Variants in ACSM3 observed in about 807,000 individuals in gnomAD.
The protein encoded by ACSM3 is acyl-CoA synthetase medium chain family member 3, also known as acyl-coenzyme A synthetase ACSM3, mitochondrial.
Under a neutral mutation model 74.1 loss-of-function variants are expected in ACSM3, and 61 were observed. That is an observed-to-expected ratio of 0.82 (90% CI 0.67 to 1.02). ACSM3 has a LOEUF of 1.02. Ranked by LOEUF, ACSM3 falls within the 50% of genes least tolerant of loss-of-function variation. ACSM3 has a pLI of 0.00. For synonymous variants in ACSM3, 213 were observed against 241.5 expected (o/e 0.88, Z 1.09); for missense variants, 660 against 697.0 (o/e 0.95, Z 0.60).
Position 20,775,900 on chromosome 16 carries a change from G to A in ACSM3, c.281G>A (p.Arg94Gln), listed in dbSNP as rs769922075. ...ATCAACAGAAATGGAGAAGAGATGC[G>A]ATGGAGTTTTGAGGAACTGGGATCT... Reference protein sequence around the residue: ...WWINRNGEEMRWSFEELGSLS... With the variant: ...WWINRNGEEMQWSFEELGSLS... Residue 94 changes from arginine (R) to glutamine (Q), a missense_variant, in exon 3 of 14, where the codon CGA becomes CAA. Arg to Gln is a conservative substitution (Grantham distance 43, BLOSUM62 1). Coordinates refer to ENST00000289416, the MANE Select transcript of ACSM3 (RefSeq NM_005622.4). 14 of 1,614,158 alleles carry A rather than the reference G, an allele frequency of 8.7e-6. No individual in the cohort carries two copies. Among genetic ancestry groups the A allele is most frequent in the East Asian group, 4.5e-5 (2 of 44,880 alleles).
chr16:20,759,235 A>G (rs1417520351), upstream of ACSM3, among the ~76,000 whole-genome samples: 1 of 152,182 alleles, frequency 6.6e-6, no homozygotes, highest in African/African-American at 2.4e-5. Flanking sequence ...TGATTTAATC[A>G]GTCAGGCCTG....
intron 1 of ACSM3, chr16:20,731,813 G>T: frequency 3.8e-6 from 1 of 262,442 alleles, no homozygotes. Context: ...GATTTTACTG[G>T]ATTTTGACTT....
intron 9 of ACSM3, among the ~76,000 whole-genome samples, chr16:20,789,076 A>G (rs1567361245): frequency 6.6e-6 from 1 of 152,226 alleles, no homozygotes; most frequent in South Asian, 2.1e-4. Context: ...GAAACAGCTA[A>G]AAGTCATTTA....
chr16:20,784,278 G>A (rs1291785554), intron 7 of ACSM3, among the ~76,000 whole-genome samples: 3 of 152,100 alleles, frequency 2.0e-5, no homozygotes, highest in Non-Finnish European at 4.4e-5. Context: ...CAATTCCTCA[G>A]TTATACTAGT....
At chr16:20,716,332 T>C (rs867501038) in intron 1 of ACSM3, among the ~76,000 whole-genome samples, 1 of 152,144 alleles carries the variant, frequency 6.6e-6, no homozygotes, top group Non-Finnish European at 1.5e-5. Context: ...TCTTGGAAGA[T>C]GTCTGGGGTC....
chr16:20,705,497 T>C (rs1006420285), intron 1 of ACSM3, among the ~76,000 whole-genome samples: 4 of 151,482 alleles, frequency 2.6e-5, no homozygotes, highest in African/African-American at 9.7e-5. Context: ...TATGGAAAAA[T>C]TTCAAGAGAG....
chr16:20,700,592 A>T (rs936909565), intron 1 of ACSM3, among the ~76,000 whole-genome samples: 2 of 149,672 alleles, frequency 1.3e-5, no homozygotes, highest in African/African-American at 4.9e-5. Flanking sequence ...CTGAGTGAGA[A>T]GTATGATAAA....
chr16:20,727,236 C>T (rs2079809687), intron 1 of ACSM3: 2 of 414,430 alleles, frequency 4.8e-6, no homozygotes, highest in Admixed American at 3.2e-5. Context: ...TTTCCTAAGA[C>T]TTGCCTCTCC....
chr16:20,733,154 A>T lies in ACSM3; in HGVS notation c.-189-16756A>T, dbSNP rs1400011122. Among the ~76,000 whole-genome samples the T allele has an allele frequency of 2.6e-5, 4 of 152,192 alleles. No individual in the cohort carries two copies. In the South Asian group the frequency reaches 8.3e-4, roughly 31 times the overall value. ...AAAAAGTAAATAAAAGTCTAAAAAT[A>T]TATGGATGAAAATTGTTTCAATAAC... On this transcript the variant is annotated intron_variant, in intron 1 of 3. Coordinates refer to the ACSM3 transcript ENST00000561584.
intron 1 of ACSM3, among the ~76,000 whole-genome samples, chr16:20,742,813 A>ATATTTTT (rs61582869): frequency 7.9e-4 from 53 of 66,820 alleles, no homozygotes; most frequent in South Asian, 2.7e-3. Flanking sequence ...ATATATATAT[A>ATATTTTT]TTTTTTTTTT....
chr16:20,686,810 GAA>G (rs57762001), intron 1 of ACSM3, among the ~76,000 whole-genome samples: 1,602 of 146,790 alleles, frequency 0.011, 24 homozygotes, highest in African/African-American at 0.04. Flanking sequence ...TCTCAAAAAA[GAA>G]AAAAAAAAAG....
chr16:20,753,929 A>G (rs2080008318), intron 2 of ACSM3, among the ~76,000 whole-genome samples: 1 of 152,166 alleles, frequency 6.6e-6, no homozygotes. Context: ...AAAAAGACAG[A>G]GAAAGAAAGA....
rs542494516 is a variant in ACSM3, at chr16:20,764,040, G to C, written c.-137G>C. On this transcript the variant is annotated 5_prime_UTR_variant, in exon 1 of 14. Coordinates refer to ENST00000289416, the MANE Select transcript of ACSM3 (RefSeq NM_005622.4). ...TTCTTTAGACTGCCACGAGGAAAAA[G>C]CAGATGTGAGAACTCAAGGTTCAGG... 2 of 152,206 alleles carry C rather than the reference G, an allele frequency of 1.3e-5. No individual in the cohort carries two copies. Among genetic ancestry groups the C allele is most frequent in the Non-Finnish European group, 2.9e-5 (2 of 68,048 alleles). The allele number at this position is 152,206 out of a possible 1,614,324, so 9.4% of individuals were successfully genotyped here.
At chr16:20,737,617 T>C (rs2079881664) in intron 1 of ACSM3, 1 of 1,317,698 alleles carries the variant, frequency 7.6e-7, no homozygotes, top group East Asian at 2.4e-5. Flanking sequence ...CACTCAAAAA[T>C]GTAAGCCTTA....
rs1246288553 is a variant in ACSM3, at chr16:20,767,846, T to C, written c.-51-2138T>C. Reference sequence around the variant, plus strand: ...GTATAGCCTTTGAACCAAGAATGGTTTTTAAATTTTTTAATGGTTGAAAAA... The same window carrying C: ...GTATAGCCTTTGAACCAAGAATGGTCTTTAAATTTTTTAATGGTTGAAAAA... On this transcript the variant is annotated intron_variant, in intron 1 of 13. Transcript: ENST00000289416. Among the ~76,000 whole-genome samples the C allele has an allele frequency of 2.0e-5, 3 of 152,212 alleles. No homozygotes were observed. In the East Asian group the frequency reaches 5.8e-4, roughly 29 times the overall value.
chr16:20,728,251 A>G (rs1190060046), intron 1 of ACSM3: 2 of 425,186 alleles, frequency 4.7e-6, no homozygotes, highest in Non-Finnish European at 8.8e-6. Context: ...AGGTAGGTTG[A>G]GAAAATATCT....
chr16:20,793,590 C>A (rs1200411866), intron 12 of ACSM3, among the ~76,000 whole-genome samples: 6 of 152,228 alleles, frequency 3.9e-5, no homozygotes, highest in African/African-American at 1.4e-4. Flanking sequence ...CCAGAAGATA[C>A]CCTGTTAAGT....
chr16:20,693,153 G>A (rs886444531), intron 1 of ACSM3, among the ~76,000 whole-genome samples: 2 of 147,994 alleles, frequency 1.4e-5, no homozygotes, highest in African/African-American at 5.0e-5. Flanking sequence ...CTGGGCAACA[G>A]AGCAAAATTC....
chr16:20,738,954 ATCT>A lies in ACSM3; in HGVS notation c.-189-10951_-189-10949del, dbSNP rs757832045. 1.2e-5 allele frequency: 20 copies of A among 1,614,080 alleles called. No homozygotes were observed. In the African/African-American group the frequency reaches 1.7e-4, roughly 14 times the overall value. On this transcript the variant is annotated intron_variant, in intron 1 of 3. Transcript: ENST00000561584. The stretch of plus-strand genomic sequence containing the variant: ...TTTGCTCCACTTTCCACTGACTGGA[ATCT>A]TCTTAACCTCATCTCTGTAGATGCC...
Sources: gnomAD v4.1 joint callset for allele counts (sites outside exome capture counted in the v4.1 genomes callset) on GRCh38, gnomAD v4.1.1 for gene constraint, MANE v1.5 for transcripts, NCBI Gene and HGNC (gene_info 2026-07-23, HGNC 2026-07-21) for gene names.